DCC: variants seen among roughly 807,000 people sequenced by gnomAD.
The protein encoded by DCC is DCC netrin 1 receptor.
In DCC, 58 loss-of-function variants were observed where a neutral mutation model predicts 172.5. The ratio of observed to expected loss-of-function variants is 0.34; its 90% CI spans 0.27 to 0.42. DCC has a LOEUF of 0.42. Among genes scored for constraint, DCC ranks in the 10% least tolerant of loss-of-function variants. The pLI, the probability that DCC is intolerant of heterozygous loss-of-function variation, is 1.00. For synonymous variants in DCC, 709 were observed against 644.5 expected (o/e 1.10, Z -1.52); for missense variants, 1,740 against 1,791.0 (o/e 0.97, Z 0.51).
intron 12 of DCC, among the ~76,000 whole-genome samples, chr18:53,229,930 C>A (rs1468770916): frequency 6.6e-6 from 1 of 152,068 alleles, no homozygotes; most frequent in Non-Finnish European, 1.5e-5. Context: ...TTATTTTCTT[C>A]CAATTCCTTG....
chr18:53,427,540 A>G (rs1415760871), intron 21 of DCC, among the ~76,000 whole-genome samples: 1 of 149,496 alleles, frequency 6.7e-6, no homozygotes, highest in Non-Finnish European at 1.5e-5. Context: ...GGAGCAGCTG[A>G]CAAGTTATCA....
intron 5 of DCC, among the ~76,000 whole-genome samples, chr18:52,926,505 A>G (rs898350379): frequency 6.6e-6 from 1 of 151,806 alleles, no homozygotes; most frequent in Middle Eastern, 3.2e-3. Flanking sequence ...TATTTTGGTG[A>G]AACAAAGAAT....
At chr18:52,537,668 C>T (rs150458949) in intron 1 of DCC, among the ~76,000 whole-genome samples, 15 of 152,116 alleles carry the variant, frequency 9.9e-5, no homozygotes, top group Admixed American at 3.3e-4. Flanking sequence ...ACAATGACGA[C>T]GAATGAAAGG....
At chr18:53,231,805 T>C (rs1335504810) in intron 12 of DCC, among the ~76,000 whole-genome samples, 5 of 152,146 alleles carry the variant, frequency 3.3e-5, no homozygotes, top group African/African-American at 1.2e-4. Context: ...CCTCTTCTTA[T>C]CGCATGCACA....
intron 1 of DCC, among the ~76,000 whole-genome samples, chr18:52,409,613 A>G (rs1164071959): frequency 1.3e-5 from 2 of 152,138 alleles, no homozygotes; most frequent in African/African-American, 2.4e-5. Flanking sequence ...TCCATTAGAG[A>G]TTGAACAGTG....
At chr18:53,101,180 C>T (rs549868537) in intron 7 of DCC, among the ~76,000 whole-genome samples, 15 of 152,166 alleles carry the variant, frequency 9.9e-5, no homozygotes, top group South Asian at 2.1e-4. Flanking sequence ...CAGCTAGTTC[C>T]AGGTGGCCCA....
chr18:52,977,288 T>C (rs2041134264), intron 5 of DCC, among the ~76,000 whole-genome samples: 1 of 152,178 alleles, frequency 6.6e-6, no homozygotes, highest in South Asian at 2.1e-4. Flanking sequence ...GTCCTAGCTA[T>C]CCATTAGAAT....
At chr18:52,456,246 T>C (rs1988453764) in intron 1 of DCC, among the ~76,000 whole-genome samples, 1 of 152,194 alleles carries the variant, frequency 6.6e-6, no homozygotes, top group Admixed American at 6.5e-5. Context: ...GTTTCAGTCT[T>C]ATAGTGATTA....
chr18:53,136,116 G>T (rs1048897721), intron 7 of DCC, among the ~76,000 whole-genome samples: 10 of 142,688 alleles, frequency 7.0e-5, no homozygotes, highest in African/African-American at 2.9e-4. Context: ...AATATCTGCA[G>T]TTGTAAAAAA....
intron 1 of DCC, among the ~76,000 whole-genome samples, chr18:52,474,866 A>G (rs1195253782): frequency 2.0e-5 from 3 of 152,168 alleles, no homozygotes; most frequent in Admixed American, 1.3e-4. Flanking sequence ...GGACCCCAAC[A>G]CCGGTTATCT....
chr18:53,484,999 G>A (rs982429505), intron 25 of DCC, among the ~76,000 whole-genome samples: 3 of 151,956 alleles, frequency 2.0e-5, no homozygotes, highest in Non-Finnish European at 2.9e-5. Flanking sequence ...AGGGGGAGAG[G>A]AAATGGGGAG....
intron 2 of DCC, among the ~76,000 whole-genome samples, chr18:52,809,589 G>T (rs1311220740): frequency 1.3e-5 from 2 of 152,208 alleles, no homozygotes; most frequent in African/African-American, 4.8e-5. Context: ...GCTGGATCAG[G>T]AGTGCAGCGA....
chr18:53,289,095 T>A (rs2144744916), intron 12 of DCC, among the ~76,000 whole-genome samples: 1 of 152,238 alleles, frequency 6.6e-6, no homozygotes, highest in Non-Finnish European at 1.5e-5. Context: ...TGATCAGCCT[T>A]TACAGACATT....
intron 5 of DCC, among the ~76,000 whole-genome samples, chr18:53,059,117 C>G (rs2042457129): frequency 6.6e-6 from 1 of 152,024 alleles, no homozygotes; most frequent in African/African-American, 2.4e-5. Context: ...GGGGAAAAGC[C>G]TCTTATAAAA....
intron 11 of DCC, among the ~76,000 whole-genome samples, chr18:53,212,663 CT>C (rs1250632332): frequency 7.6e-6 from 1 of 131,988 alleles, no homozygotes; most frequent in African/African-American, 2.7e-5. Flanking sequence ...CCTTTCAATT[CT>C]TGTTTTTTTT....
chr18:52,348,125 A>G (rs911009376), intron 1 of DCC, among the ~76,000 whole-genome samples: 20 of 152,198 alleles, frequency 1.3e-4, no homozygotes, highest in Admixed American at 1.2e-3. Context: ...AACGTTAAGT[A>G]TCTGAGTTTC....
chr18:52,789,102 GT>G (rs2037713319), intron 2 of DCC, among the ~76,000 whole-genome samples: 1 of 152,052 alleles, frequency 6.6e-6, no homozygotes, highest in Non-Finnish European at 1.5e-5. Context: ...TTTCTCTCTA[GT>G]TATTCCCCAC....
chr18:52,950,132 C>T (rs1943138), intron 5 of DCC, among the ~76,000 whole-genome samples: 3,992 of 152,238 alleles, frequency 0.026, 69 homozygotes, highest in Admixed American at 0.041. Flanking sequence ...TGATAATCTA[C>T]GTGCTCTTTT....
intron 12 of DCC, among the ~76,000 whole-genome samples, chr18:53,281,227 A>AT (rs1239220363): frequency 6.6e-6 from 1 of 152,184 alleles, no homozygotes; most frequent in Non-Finnish European, 1.5e-5. Flanking sequence ...TCAACTTTCC[A>AT]TTTTTTAAAT....
Sources: gnomAD v4.1 joint callset for allele counts (sites outside exome capture counted in the v4.1 genomes callset) on GRCh38, gnomAD v4.1.1 for gene constraint, MANE v1.5 for transcripts, NCBI Gene and HGNC (gene_info 2026-07-23, HGNC 2026-07-21) for gene names.